The following ZNF525 variants were observed in gnomAD, a reference collection of about 807,000 sequenced individuals.
ZNF525 encodes the protein zinc finger protein 525.
In ZNF525, 33 loss-of-function variants were observed where a neutral mutation model predicts 37.6. That is an observed-to-expected ratio of 0.88 (90% CI 0.67 to 1.17). The LOEUF (loss-of-function observed/expected upper bound fraction) is 1.17. Ranked by LOEUF, ZNF525 falls within the 50% of genes most tolerant of loss-of-function variation. The pLI, the probability that ZNF525 is intolerant of heterozygous loss-of-function variation, is 0.00. For missense variants in ZNF525, 449 were observed against 543.1 expected (o/e 0.83, Z 1.72); for synonymous variants, 170 against 182.3 (o/e 0.93, Z 0.54).
rs2085592914 is a variant in ZNF525, at chr19:53,384,689, G to C, written c.*2670G>C. On this transcript the variant is annotated 3_prime_UTR_variant, in exon 4 of 4. Coordinates refer to ENST00000474037, the MANE Select transcript of ZNF525 (RefSeq NM_001348156.2). ...GTTTGTTAGTTCCAGTACTATTTTG[G>C]TTGAGTCTGTGATTTTCTACACAGA... 1 of 341,490 alleles carries C rather than the reference G, an allele frequency of 2.9e-6. No homozygotes were observed. Among genetic ancestry groups the C allele is most frequent in the African/African-American group, 2.1e-5 (1 of 46,958 alleles). 21.2% of individuals were successfully genotyped at this position (341,490 alleles called of 1,614,324 possible).
chr19:53,377,016 A>G lies in ZNF525; in HGVS notation c.142+1120A>G, dbSNP rs142762217. On this transcript the variant is annotated intron_variant, in intron 3 of 3. Transcript: ENST00000474037. ...CTGCAAAAGCTTCTCTTTCTCCACC[A>G]GAACTTTATTTATGTCGGAATTATT... 5.0e-3 allele frequency among the ~76,000 whole-genome samples: 766 copies of G among 152,330 alleles called. 12 individuals are homozygous for G. Among genetic ancestry groups the G allele is most frequent in the African/African-American group, 0.018 (728 of 41,574 alleles).
At chr19:53,369,976 G>A (rs1400440231) in intron 1 of ZNF525, among the ~76,000 whole-genome samples, 12 of 148,936 alleles carry the variant, frequency 8.1e-5, no homozygotes, top group Admixed American at 1.3e-4. Flanking sequence ...CGCCCGCCTC[G>A]GCCTCCCAAA....
At chr19:53,376,049 G>A in intron 3 of ZNF525, 153 bp downstream of exon 3, 1 of 1,516,054 alleles carries the variant, frequency 6.6e-7, no homozygotes, top group African/African-American at 1.4e-5. Flanking sequence ...CTGGGCTCAA[G>A]TGATTGTCCC....
intron 3 of ZNF525, chr19:53,379,349 C>G (rs1481823028): frequency 6.6e-6 from 1 of 152,206 alleles, no homozygotes; most frequent in Non-Finnish European, 1.5e-5. Flanking sequence ...AACTCCTGAC[C>G]TCATGGTCTT....
At chr19:53,380,277 T>C (rs1198786505) in intron 3 of ZNF525, among the ~76,000 whole-genome samples, 6 of 152,046 alleles carry the variant, frequency 3.9e-5, no homozygotes, top group Non-Finnish European at 5.9e-5. Flanking sequence ...ACTTTTCTTA[T>C]CTTCTCAGTG....
At chr19:53,369,666 G>A (rs1163844009) in intron 1 of ZNF525, among the ~76,000 whole-genome samples, 3 of 140,346 alleles carry the variant, frequency 2.1e-5, no homozygotes, top group Non-Finnish European at 4.6e-5. Context: ...TTGTAAGGAA[G>A]AATTAAACGT....
chr19:53,367,547 T>C (rs892657465), intron 1 of ZNF525, among the ~76,000 whole-genome samples: 4 of 152,174 alleles, frequency 2.6e-5, no homozygotes, highest in Non-Finnish European at 5.9e-5. Context: ...TAAGGGAGTA[T>C]TAAACCAATT....
At position 53,382,344 on chromosome 19, in the gene ZNF525, A is replaced by C. The variant is rs182002649; in HGVS notation, c.*325A>C. On this transcript the variant is annotated 3_prime_UTR_variant, in exon 4 of 4. Coordinates refer to ENST00000474037, the MANE Select transcript of ZNF525 (RefSeq NM_001348156.2). ...ATGTGAAGAATGTGATGAAACTTTC[A>C]GATACAAATCAAATCTTGAAAGACA... 38 of 1,270,116 alleles carry C rather than the reference A, an allele frequency of 3.0e-5. No individual in the cohort carries two copies. In the East Asian group the frequency reaches 8.2e-4, roughly 27 times the overall value. 78.7% of individuals were successfully genotyped at this position (1,270,116 alleles called of 1,614,324 possible).
rs1160020562 is a variant in ZNF525 at position 53,385,737 on chromosome 19, T to C, written c.*3718T>C. 6.5e-6 allele frequency: 1 copy of C among 154,644 alleles called. No homozygotes were observed. The highest frequency in any genetic ancestry group is 1.4e-5 in the Non-Finnish European group (1 of 69,800). The allele number at this position is 154,644 out of a possible 1,614,324, so 9.6% of individuals were successfully genotyped here. A position where few individuals can be genotyped will look rare whatever the true frequency, so the allele number is the denominator to read the frequency against. On this transcript the variant is annotated 3_prime_UTR_variant, in exon 4 of 4. Transcript: ENST00000474037. ...TTGGGTAGAGGAATAATGAAATCATTGATGCTTTATAAAAAGGTTATGGGG... is the reference window on the plus strand; with the variant it reads ...TTGGGTAGAGGAATAATGAAATCATCGATGCTTTATAAAAAGGTTATGGGG...
chr19:53,380,648 C>T, intron 3 of ZNF525, 74 bp from the exon 4 acceptor site: 1 of 743,282 alleles, frequency 1.3e-6, no homozygotes, highest in Non-Finnish European at 2.2e-6. Context: ...TGTTCCTAAA[C>T]TTTGAAGATC....
intron 2 of ZNF525, chr19:53,372,500 C>T (rs993249024): frequency 1.3e-6 from 1 of 792,382 alleles, no homozygotes. Context: ...CTGCACTGGG[C>T]ATGGTCTTGG....
At chr19:53,376,269 G>A (rs1301497429) in intron 3 of ZNF525, 3 of 702,818 alleles carry the variant, frequency 4.3e-6, no homozygotes, top group Non-Finnish European at 5.2e-6. Flanking sequence ...TAAACTTTTT[G>A]CATATGTGTG....
At chr19:53,372,190 T>A in intron 1 of ZNF525, 25 bp from the exon 2 acceptor site, 3 of 669,756 alleles carry the variant, frequency 4.5e-6, no homozygotes, top group Non-Finnish European at 5.4e-6. Flanking sequence ...TTCTGAGCAA[T>A]AAACAACATA....
At chr19:53,377,495 C>T (rs1206793308) in intron 3 of ZNF525, among the ~76,000 whole-genome samples, 1 of 151,604 alleles carries the variant, frequency 6.6e-6, no homozygotes, top group African/African-American at 2.4e-5. Context: ...TTTTATTTAC[C>T]TTTACTGGAG....
At chr19:53,377,312 G>T (rs548307488) in intron 3 of ZNF525, among the ~76,000 whole-genome samples, 4 of 152,074 alleles carry the variant, frequency 2.6e-5, no homozygotes, top group African/African-American at 9.6e-5. Flanking sequence ...CGAGTAGCTG[G>T]GATTATAGGC....
Position 53,383,472 on chromosome 19 carries a change from G to A in ZNF525, c.*1453G>A. ...AAGACAGGAGAATTCATACTGGAGA[G>A]AAACCATAAAAATGTAAGAGTTTTT... On this transcript the variant is annotated 3_prime_UTR_variant, in exon 4 of 4. Transcript: ENST00000474037. 9.5e-7 allele frequency: 1 copy of A among 1,047,536 alleles called. No individual in the cohort carries two copies. The highest frequency in any genetic ancestry group is 1.4e-6 in the Non-Finnish European group (1 of 710,968). 64.9% of individuals were successfully genotyped at this position (1,047,536 alleles called of 1,614,324 possible).
At position 53,386,470 on chromosome 19, in the gene ZNF525, C is replaced by A; in HGVS notation, c.*4451C>A. ...TACCATATCAAGCTGAAAATGTCAC[C>A]ACTATCTGGACAGTTGGACATGTTT... On this transcript the variant is annotated 3_prime_UTR_variant, in exon 4 of 4. Transcript: ENST00000474037. The A allele has an allele frequency of 1.5e-6, 1 of 678,718 alleles. No homozygotes were observed. Among genetic ancestry groups the A allele is most frequent in the East Asian group, 2.7e-5 (1 of 36,384 alleles). The allele number at this position is 678,718 out of a possible 1,614,324, so 42.0% of individuals were successfully genotyped here.
chr19:53,366,163 T>TA (rs71185869), intron 1 of ZNF525, among the ~76,000 whole-genome samples: 54,212 of 138,696 alleles, frequency 0.39, 13,983 homozygotes, highest in Non-Finnish European at 0.55. Context: ...GTTCTCTGCC[T>TA]GTCCTGGGAT....
intron 1 of ZNF525, among the ~76,000 whole-genome samples, chr19:53,368,260 T>C (rs2085462105): frequency 6.6e-6 from 1 of 152,124 alleles, no homozygotes; most frequent in Non-Finnish European, 1.5e-5. Context: ...TATGTGTGGT[T>C]TAGAGAAGAG....
Sources: gnomAD v4.1 joint callset for allele counts (sites outside exome capture counted in the v4.1 genomes callset) on GRCh38, gnomAD v4.1.1 for gene constraint, MANE v1.5 for transcripts, NCBI Gene and HGNC (gene_info 2026-07-23, HGNC 2026-07-21) for gene names.